Variants in SRP54 observed in about 807,000 individuals in gnomAD.
The protein encoded by SRP54 is signal recognition particle subunit SRP54.
Under a neutral mutation model 64.8 loss-of-function variants are expected in SRP54, and 10 were observed. The observed-to-expected ratio is 0.15, with a 90% confidence interval of 0.10 to 0.26. The LOEUF is 0.26. Among genes scored for constraint, SRP54 ranks in the 10% least tolerant of loss-of-function variants. The probability of loss-of-function intolerance (pLI) is 1.00; values close to 1 mark genes in which losing one functional copy is unlikely to be tolerated. For synonymous variants in SRP54, 193 were observed against 185.6 expected (o/e 1.04, Z -0.32); for missense variants, 325 against 613.7 (o/e 0.53, Z 4.97).
chr14:34,987,230 G>GAAA (rs199590717), intron 1 of SRP54, among the ~76,000 whole-genome samples: 2 of 124,310 alleles, frequency 1.6e-5, no homozygotes, highest in African/African-American at 6.4e-5. Context: ...CACTACATCT[G>GAAA]AAAAAAAAAA....
intron 7 of SRP54, among the ~76,000 whole-genome samples, chr14:35,009,257 G>A (rs563140700): frequency 1.0e-3 from 155 of 151,482 alleles, no homozygotes; most frequent in Middle Eastern, 3.4e-3. Context: ...TGTTGCCCAG[G>A]CTGGTCCCAA....
At chr14:34,988,329 T>C (rs983690003) in intron 1 of SRP54, among the ~76,000 whole-genome samples, 1 of 151,322 alleles carries the variant, frequency 6.6e-6, no homozygotes, top group African/African-American at 2.4e-5. Flanking sequence ...TTTGGGAGGC[T>C]GAGGTGGGTG....
chr14:35,024,026 T>G (rs1358521668), intron 14 of SRP54, among the ~76,000 whole-genome samples: 2 of 152,050 alleles, frequency 1.3e-5, no homozygotes, highest in Non-Finnish European at 2.9e-5. Flanking sequence ...TCCATTATAT[T>G]TCTTTATTTA....
intron 1 of SRP54, among the ~76,000 whole-genome samples, chr14:34,995,134 GGTGTGTGTGTGT>G (rs35829734): frequency 0.012 from 816 of 70,296 alleles, 14 homozygotes; most frequent in Non-Finnish European, 0.017. Flanking sequence ...ATCAATAAAG[GGTGTGTGTGTGT>G]GTGTGTGTGT....
chr14:35,029,266 A>G lies in SRP54; in HGVS notation c.*114A>G, dbSNP rs945997465. 7.5e-6 allele frequency: 5 copies of G among 665,252 alleles called. No individual in the cohort carries two copies. In the African/African-American group the frequency reaches 7.6e-5, roughly 10 times the overall value. The allele number at this position is 665,252 out of a possible 1,614,324, so 41.2% of individuals were successfully genotyped here. A position where few individuals can be genotyped will look rare whatever the true frequency, so the allele number is the denominator to read the frequency against. On this transcript the variant is annotated 3_prime_UTR_variant, in exon 16 of 16. Transcript: ENST00000216774. ...AGTGTATTTTTCTTGCTTATCATGC[A>G]CTCTTTCCTTTTCTTCTCGCCCGCT...
intron 2 of SRP54, chr14:34,997,032 C>T: frequency 2.6e-6 from 1 of 387,418 alleles, no homozygotes; most frequent in South Asian, 3.9e-5. Flanking sequence ...CCTTAACTTA[C>T]ATGTAAAAAT....
intron 14 of SRP54, 85 bp downstream of exon 14, chr14:35,023,165 C>T (rs1347064830): frequency 2.7e-6 from 3 of 1,130,344 alleles, no homozygotes; most frequent in East Asian, 4.9e-5. Context: ...TTGGAAAATT[C>T]ACAGCTGAAT....
chr14:35,025,993 C>T (rs1456923923), intron 14 of SRP54, among the ~76,000 whole-genome samples: 1 of 150,334 alleles, frequency 6.7e-6, no homozygotes, highest in Non-Finnish European at 1.5e-5. Context: ...GAGGGCAAGG[C>T]TGCAGTGAGC....
chr14:35,014,812 A>T lies in SRP54; in HGVS notation c.955A>T (p.Ile319Leu). 6.2e-7 allele frequency: 1 copy of T among 1,613,824 alleles called. No homozygotes were observed. The highest frequency in any genetic ancestry group is 2.2e-5 in the East Asian group (1 of 44,842). Residue 319 changes from isoleucine to leucine, a missense_variant, in exon 11 of 16, where the codon ATA (isoleucine) becomes TTA (leucine). Physicochemically the swap from Ile to Leu is conservative, Grantham distance 5. This residue lies in a region of SRP54 where 146 missense variants were observed against 337.4 expected (regional missense o/e 0.43). Coordinates refer to ENST00000216774, the MANE Select transcript of SRP54 (RefSeq NM_003136.4). ...GAAGTTGGATGACAATGAAGCACTTATAGAGAAGTTGAAACATGGTATATG... is the reference window on the plus strand; with the variant it reads ...GAAGTTGGATGACAATGAAGCACTTTTAGAGAAGTTGAAACATGGTATATG... ...ELKLDDNEAL[I>L]EKLKHGQFTL...
chr14:35,029,068 G>T lies in SRP54; in HGVS notation c.1431G>T (p.Met477Ile). 6.2e-7 allele frequency: 1 copy of T among 1,613,560 alleles called. No homozygotes were observed. Among genetic ancestry groups the T allele is most frequent in the South Asian group, 1.1e-5 (1 of 91,036 alleles). ...DPRVLHHMGGMAGLQSMMRQF... is the reference protein window; with the variant it reads ...DPRVLHHMGGIAGLQSMMRQF... ...TCCCTACTTTTGCTCTAGGTGGTATGGCAGGACTTCAGTCAATGATGAGGC... is the reference window on the plus strand; with the variant it reads ...TCCCTACTTTTGCTCTAGGTGGTATTGCAGGACTTCAGTCAATGATGAGGC... The change falls in exon 16 of 16, where the codon ATG (methionine) becomes ATT (isoleucine). Residue 477 changes from methionine to isoleucine, a missense_variant. Met to Ile is a conservative substitution (Grantham distance 10, BLOSUM62 1). Coordinates refer to ENST00000216774, the MANE Select transcript of SRP54 (RefSeq NM_003136.4).
chr14:34,999,125 C>T (rs1471857551), intron 2 of SRP54, among the ~76,000 whole-genome samples: 1 of 150,818 alleles, frequency 6.6e-6, no homozygotes, highest in Non-Finnish European at 1.5e-5. Flanking sequence ...AGTGATTCTC[C>T]TGCCTCAGCC....
chr14:35,009,536 T>G (rs961152193), intron 7 of SRP54, among the ~76,000 whole-genome samples: 2 of 152,042 alleles, frequency 1.3e-5, no homozygotes, highest in Admixed American at 6.6e-5. Flanking sequence ...TGACAAAGAT[T>G]GTATTGGGGA....
intron 1 of SRP54, among the ~76,000 whole-genome samples, chr14:34,993,856 T>C (rs1459233841): frequency 6.6e-6 from 1 of 151,730 alleles, no homozygotes; most frequent in African/African-American, 2.4e-5. Context: ...CCACCATACC[T>C]GGCTAATTTT....
At chr14:35,020,980 CTA>C (rs2044520507) in intron 13 of SRP54, among the ~76,000 whole-genome samples, 1 of 152,094 alleles carries the variant, frequency 6.6e-6, no homozygotes, top group African/African-American at 2.4e-5. Context: ...CGATGTGCTG[CTA>C]TTAGTTTATC....
chr14:35,013,016 T>C, intron 8 of SRP54, among the ~76,000 whole-genome samples: 1 of 148,170 alleles, frequency 6.7e-6, no homozygotes, highest in Non-Finnish European at 1.5e-5. Context: ...TGATCTCAGC[T>C]GACTGCAACC....
At chr14:35,001,192 T>TTTGAGAAGGA (rs2044165464) in intron 4 of SRP54, among the ~76,000 whole-genome samples, 172 bp downstream of exon 4, 2 of 150,690 alleles carry the variant, frequency 1.3e-5, no homozygotes, top group African/African-American at 4.9e-5. Context: ...TTTTTTTTTT[T>TTTGAGAAGGA]GAGAAGGAGT....
intron 1 of SRP54, chr14:34,993,216 T>G (rs1172016267): frequency 6.6e-6 from 1 of 152,154 alleles, no homozygotes; most frequent in African/African-American, 2.4e-5. Flanking sequence ...TCTAAAAAAG[T>G]TAATTGTGGT....
intron 1 of SRP54, among the ~76,000 whole-genome samples, chr14:34,983,716 C>T (rs997149225): frequency 2.0e-5 from 3 of 152,208 alleles, no homozygotes; most frequent in African/African-American, 7.2e-5. Context: ...TCCCCTGCTG[C>T]CTTTCTTCAT....
At chr14:35,022,084 C>A (rs1438642780) in intron 13 of SRP54, among the ~76,000 whole-genome samples, 1 of 151,984 alleles carries the variant, frequency 6.6e-6, no homozygotes, top group South Asian at 2.1e-4. Flanking sequence ...GAACGTACCT[C>A]TTTCTGCTTG....
Sources: gnomAD v4.1 joint callset for allele counts (sites outside exome capture counted in the v4.1 genomes callset) on GRCh38, gnomAD v4.1.1 for gene constraint, gnomAD v4.1.1 regional missense constraint, MANE v1.5 for transcripts, NCBI Gene and HGNC (gene_info 2026-07-23, HGNC 2026-07-21) for gene names.